Variants in SEC23B observed in about 807,000 individuals in gnomAD.
SEC23B encodes SEC23 homolog B, COPII component.
In SEC23B, 77 loss-of-function variants were observed where a neutral mutation model predicts 104.3. The observed-to-expected ratio is 0.74, with a 90% confidence interval of 0.61 to 0.89. SEC23B has a LOEUF of 0.89. SEC23B is among the 40% of genes least tolerant of loss of function. The pLI is 0.00. For missense variants in SEC23B, 885 were observed against 949.4 expected, an observed-to-expected ratio of 0.93 and a Z score of 0.89; for synonymous variants, 338 against 332.5, an observed-to-expected ratio of 1.02 and a Z score of -0.18.
intron 15 of SEC23B, among the ~76,000 whole-genome samples, chr20:18,546,584 T>C (rs2060334653): frequency 6.6e-6 from 1 of 152,170 alleles, no homozygotes; most frequent in South Asian, 2.1e-4. Flanking sequence ...ACTTAGGAAA[T>C]AGAGCACAAT....
intron 16 of SEC23B, among the ~76,000 whole-genome samples, chr20:18,550,057 A>G (rs915926139): frequency 1.6e-5 from 2 of 122,220 alleles, no homozygotes; most frequent in African/African-American, 6.0e-5. Context: ...ATATGTATAT[A>G]TAAGAACTAT....
chr20:18,538,600 CT>C (rs1200307200), intron 12 of SEC23B, among the ~76,000 whole-genome samples: 1 of 152,194 alleles, frequency 6.6e-6, no homozygotes, highest in Non-Finnish European at 1.5e-5. Flanking sequence ...CATCAGTCGA[CT>C]CTTCCTTCCA....
chr20:18,526,600 C>T (rs2060136543), intron 8 of SEC23B, 69 bp downstream of exon 8: 2 of 1,545,156 alleles, frequency 1.3e-6, no homozygotes, highest in East Asian at 4.5e-5. Context: ...TCTGGAGTGA[C>T]AGCTACTTTG....
rs866648280 is a variant in SEC23B, at chr20:18,527,422, C to A, written c.994-74C>A. 25 of 845,554 alleles carry A rather than the reference C, an allele frequency of 3.0e-5. No homozygotes were observed. In the Middle Eastern group the frequency reaches 6.5e-4, roughly 22 times the overall value. 52.4% of individuals were successfully genotyped at this position (845,554 alleles called of 1,614,324 possible). On this transcript the variant is annotated intron_variant, in intron 8 of 19. Transcript: ENST00000650089. ...ATTTACATGTTTTTATATTTGATTACCTCCTTCGGTAATTCAGGCATACCT... is the reference window on the plus strand; with the variant it reads ...ATTTACATGTTTTTATATTTGATTAACTCCTTCGGTAATTCAGGCATACCT...
intron 12 of SEC23B, among the ~76,000 whole-genome samples, chr20:18,538,921 A>T (rs956933596): frequency 1.3e-5 from 2 of 151,978 alleles, no homozygotes; most frequent in Non-Finnish European, 2.9e-5. Context: ...ATTAAAAAAA[A>T]TAGGCCGGGT....
At position 18,526,486 on chromosome 20, in the gene SEC23B, T is replaced by A; in HGVS notation, c.948T>A (p.His316Gln). The A allele has an allele frequency of 6.2e-7, 1 of 1,614,118 alleles. No homozygotes were observed. Among genetic ancestry groups the A allele is most frequent in the Non-Finnish European group, 8.5e-7 (1 of 1,180,004 alleles). Residue 316 changes from histidine to glutamine, a missense_variant, in exon 8 of 20, where the codon CAT becomes CAA. By Grantham distance (24) the His-to-Gln change is conservative. Coordinates refer to ENST00000650089, the MANE Select transcript of SEC23B (RefSeq NM_006363.6). ...TAAAGATTCCTATTCGTTCTTGGCA[T>A]GATATTGAGAAAGATAATGCACGAT... Reference protein sequence around the residue: ...DELKIPIRSWHDIEKDNARFM... With the variant: ...DELKIPIRSWQDIEKDNARFM...
At chr20:18,521,954 C>T (rs974569428) in intron 4 of SEC23B, among the ~76,000 whole-genome samples, 1 of 152,096 alleles carries the variant, frequency 6.6e-6, no homozygotes, top group African/African-American at 2.4e-5. Flanking sequence ...GTTTTCTGGC[C>T]ATTTAGAATC....
At chr20:18,538,893 C>T (rs1001553309) in intron 12 of SEC23B, among the ~76,000 whole-genome samples, 2 of 151,946 alleles carry the variant, frequency 1.3e-5, no homozygotes, top group Admixed American at 6.6e-5. Flanking sequence ...CTTCAGGATC[C>T]GCTTCTTCAT....
chr20:18,533,520 A>T (rs897963775), intron 11 of SEC23B, among the ~76,000 whole-genome samples: 4 of 152,214 alleles, frequency 2.6e-5, no homozygotes, highest in Non-Finnish European at 5.9e-5. Context: ...CAGTATCCTT[A>T]TCTGGCAAAT....
chr20:18,524,414 T>C lies in SEC23B; in HGVS notation c.367-19T>C. The C allele has an allele frequency of 6.4e-7, 1 of 1,560,440 alleles. No individual in the cohort carries two copies. Among genetic ancestry groups the C allele is most frequent in the Non-Finnish European group, 8.8e-7 (1 of 1,131,102 alleles). ...TCTATTTGTATATTGATCATTATGCTGTTTTTCTTTGCCCAAAGCGAGGTG... is the reference window on the plus strand; with the variant it reads ...TCTATTTGTATATTGATCATTATGCCGTTTTTCTTTGCCCAAAGCGAGGTG... On this transcript the variant is annotated intron_variant, in intron 4 of 19. Transcript: ENST00000650089.
At chr20:18,515,312 T>C (rs540484092) in intron 3 of SEC23B, among the ~76,000 whole-genome samples, 1 of 152,236 alleles carries the variant, frequency 6.6e-6, no homozygotes, top group African/African-American at 2.4e-5. Flanking sequence ...TCATTACCAT[T>C]TTTTTTCTTC....
intron 15 of SEC23B, among the ~76,000 whole-genome samples, chr20:18,548,289 T>A (rs2060352379): frequency 6.6e-6 from 1 of 152,210 alleles, no homozygotes. Context: ...TTTAATGTGG[T>A]AAAACACACA....
At position 18,560,930 on chromosome 20, in the gene SEC23B, A is replaced by G; in HGVS notation, c.*190A>G. On this transcript the variant is annotated 3_prime_UTR_variant, in exon 20 of 20. Coordinates refer to ENST00000650089, the MANE Select transcript of SEC23B (RefSeq NM_006363.6). ...CCTTTTTCTTGCACTATAAAATTAT[A>G]AGGTCATAAATGTTTTGGTACTTGT... The G allele has an allele frequency of 1.7e-6, 1 of 595,218 alleles. No homozygotes were observed. Among genetic ancestry groups the G allele is most frequent in the South Asian group, 2.0e-5 (1 of 50,818 alleles). The allele number at this position is 595,218 out of a possible 1,614,324, so 36.9% of individuals were successfully genotyped here.
chr20:18,517,376 G>A (rs1568600274), intron 4 of SEC23B, among the ~76,000 whole-genome samples: 1 of 152,208 alleles, frequency 6.6e-6, no homozygotes. Context: ...GGGTGGGGGA[G>A]ATTACAAAGT....
intron 11 of SEC23B, among the ~76,000 whole-genome samples, chr20:18,535,315 C>T (rs1413299501): frequency 6.6e-6 from 1 of 151,668 alleles, no homozygotes; most frequent in Non-Finnish European, 1.5e-5. Context: ...GTCGAGGCTG[C>T]AGTGAGCTGT....
chr20:18,520,832 C>A (rs2060077061), intron 4 of SEC23B, among the ~76,000 whole-genome samples: 1 of 151,960 alleles, frequency 6.6e-6, no homozygotes, highest in African/African-American at 2.4e-5. Flanking sequence ...GTCTAGGTGG[C>A]TTCTGAGGCG....
chr20:18,529,281 C>A (rs1243300893), intron 9 of SEC23B, among the ~76,000 whole-genome samples: 1 of 152,154 alleles, frequency 6.6e-6, no homozygotes, highest in Non-Finnish European at 1.5e-5. Flanking sequence ...AAGCTGCTGG[C>A]AAATGAAATT....
At chr20:18,509,439 A>G (rs1162082172) in intron 1 of SEC23B, among the ~76,000 whole-genome samples, 3 of 152,052 alleles carry the variant, frequency 2.0e-5, no homozygotes, top group Admixed American at 1.3e-4. Flanking sequence ...CCTTTTTACT[A>G]CTTTTCTTGA....
intron 1 of SEC23B, chr20:18,509,977 C>T (rs1313057547): frequency 6.6e-6 from 1 of 152,046 alleles, no homozygotes; most frequent in Non-Finnish European, 1.5e-5. Flanking sequence ...TTTGGTAATA[C>T]CAAGTAGAAA....
Sources: allele counts gnomAD v4.1 joint callset (sites outside exome capture counted in the v4.1 genomes callset), GRCh38; gene constraint gnomAD v4.1.1; transcripts MANE v1.5; gene names NCBI Gene and HGNC (gene_info 2026-07-23, HGNC 2026-07-21).